The following VAV3 variants were observed in gnomAD, a reference collection of about 807,000 sequenced individuals.
VAV3 encodes vav guanine nucleotide exchange factor 3.
In VAV3, 94 loss-of-function variants were observed where a neutral mutation model predicts 131.2. The ratio of observed to expected loss-of-function variants is 0.72; its 90% confidence interval spans 0.61 to 0.85. VAV3 has a LOEUF of 0.85. Among genes scored for constraint, VAV3 ranks in the 40% least tolerant of loss-of-function variants. VAV3 has a pLI of 0.00. For missense variants in VAV3, 939 were observed against 1,002.7 expected (o/e 0.94, Z 0.86); for synonymous variants, 349 against 342.0 (o/e 1.02, Z -0.22).
rs565435014 is a variant in VAV3 at position 107,718,363 on chromosome 1, A to G, written c.1503-13302T>C. ...TGATAAGCAACTTCAGCAAAGTCTCAGGATACAAAATCAAGGCGCAAAAAT... is the reference window on the plus strand; with the variant it reads ...TGATAAGCAACTTCAGCAAAGTCTCGGGATACAAAATCAAGGCGCAAAAAT... On this transcript the variant is annotated intron_variant, in intron 15 of 26. Transcript: ENST00000370056. Among the ~76,000 whole-genome samples the G allele has an allele frequency of 3.9e-5, 6 of 152,334 alleles. No individual in the cohort carries two copies. In the South Asian group the frequency reaches 1.2e-3, roughly 32 times the overall value.
chr1:107,645,272 A>C (rs1289159910), intron 19 of VAV3, among the ~76,000 whole-genome samples: 1 of 151,520 alleles, frequency 6.6e-6, no homozygotes, highest in Non-Finnish European at 1.5e-5. Flanking sequence ...TCTTCAACTC[A>C]TATGGTTTTT....
At chr1:107,712,151 C>T (rs1660825833) in intron 15 of VAV3, among the ~76,000 whole-genome samples, 1 of 152,136 alleles carries the variant, frequency 6.6e-6, no homozygotes, top group Admixed American at 6.6e-5. Context: ...TATAAATATA[C>T]AATGAGATTT....
intron 15 of VAV3, among the ~76,000 whole-genome samples, chr1:107,734,507 G>A (rs1022502810): frequency 1.4e-4 from 22 of 152,176 alleles, no homozygotes; most frequent in Non-Finnish European, 2.9e-4. Context: ...TAAAGGGATG[G>A]AGGAAGATCT....
intron 1 of VAV3, among the ~76,000 whole-genome samples, chr1:107,942,226 A>G (rs1330485122): frequency 1.3e-5 from 2 of 152,202 alleles, no homozygotes; most frequent in Admixed American, 1.3e-4. Flanking sequence ...ACACTAGCCT[A>G]GTGAGATGAT....
At chr1:107,840,695 AG>A (rs1668663211) in intron 2 of VAV3, among the ~76,000 whole-genome samples, 1 of 152,244 alleles carries the variant, frequency 6.6e-6, no homozygotes, top group Non-Finnish European at 1.5e-5. Context: ...AAGGCAGGAA[AG>A]GAAAAAAAGT....
intron 2 of VAV3, among the ~76,000 whole-genome samples, chr1:107,825,534 G>C (rs1667973932): frequency 2.0e-5 from 3 of 151,436 alleles, no homozygotes; most frequent in African/African-American, 7.3e-5. Flanking sequence ...TCATGATAGA[G>C]AAAAATCTAC....
intron 18 of VAV3, among the ~76,000 whole-genome samples, chr1:107,684,430 T>C (rs1281397660): frequency 6.6e-6 from 1 of 152,240 alleles, no homozygotes; most frequent in Non-Finnish European, 1.5e-5. Context: ...CAGAGCACAC[T>C]TGGCTGTGCT....
intron 2 of VAV3, among the ~76,000 whole-genome samples, chr1:107,870,953 C>T (rs957344222): frequency 2.6e-5 from 4 of 152,148 alleles, no homozygotes; most frequent in African/African-American, 7.2e-5. Flanking sequence ...ACTTCTATTA[C>T]GCTCTAGAAA....
chr1:107,921,943 T>G (rs917980642), intron 1 of VAV3, among the ~76,000 whole-genome samples: 1 of 152,234 alleles, frequency 6.6e-6, no homozygotes, highest in Non-Finnish European at 1.5e-5. Context: ...AGTTATTTAA[T>G]GTCTTCTCAG....
At chr1:107,782,266 T>C (rs569817274) in intron 2 of VAV3, among the ~76,000 whole-genome samples, 1 of 152,264 alleles carries the variant, frequency 6.6e-6, no homozygotes, top group Non-Finnish European at 1.5e-5. Flanking sequence ...AACTATGATG[T>C]ATCTACAAAA....
intron 1 of VAV3, among the ~76,000 whole-genome samples, chr1:107,945,807 A>G (rs1674227736): frequency 1.4e-5 from 2 of 141,696 alleles, no homozygotes; most frequent in South Asian, 5.0e-4. Context: ...GAGCGACAAG[A>G]GCAAAACTCC....
At chr1:107,747,413 C>T (rs577631082) in intron 15 of VAV3, among the ~76,000 whole-genome samples, 3 of 152,174 alleles carry the variant, frequency 2.0e-5, no homozygotes, top group African/African-American at 7.2e-5. Flanking sequence ...TCTGTCTTTG[C>T]ATATTACCAC....
chr1:107,744,165 T>C (rs1557813592), intron 15 of VAV3, among the ~76,000 whole-genome samples: 1 of 152,224 alleles, frequency 6.6e-6, no homozygotes, highest in Non-Finnish European at 1.5e-5. Flanking sequence ...TCCAGAGCTC[T>C]AGAATCTCCA....
intron 5 of VAV3, among the ~76,000 whole-genome samples, chr1:107,771,393 C>A (rs1466066979): frequency 6.6e-6 from 1 of 152,014 alleles, no homozygotes; most frequent in African/African-American, 2.4e-5. Flanking sequence ...GCTGTGACTA[C>A]AGGTGCCCGC....
chr1:107,963,964 G>C (rs1344558485), intron 1 of VAV3, among the ~76,000 whole-genome samples: 1 of 152,208 alleles, frequency 6.6e-6, no homozygotes, highest in South Asian at 2.1e-4. Flanking sequence ...CACAGCACCT[G>C]AGCAGGGCAC....
At chr1:107,673,072 A>G (rs1009170319) in intron 19 of VAV3, among the ~76,000 whole-genome samples, 1 of 152,234 alleles carries the variant, frequency 6.6e-6, no homozygotes, top group Admixed American at 6.5e-5. Flanking sequence ...ATGGAAAAGT[A>G]TGTTCATGCA....
At chr1:107,819,777 C>A (rs1667716504) in intron 2 of VAV3, among the ~76,000 whole-genome samples, 1 of 152,060 alleles carries the variant, frequency 6.6e-6, no homozygotes, top group Non-Finnish European at 1.5e-5. Context: ...GGATTAAAAT[C>A]TATGATAACA....
chr1:107,960,322 C>A (rs984714281), intron 1 of VAV3, among the ~76,000 whole-genome samples: 1 of 152,058 alleles, frequency 6.6e-6, no homozygotes, highest in Non-Finnish European at 1.5e-5. Flanking sequence ...AAAAAGTAGC[C>A]GGGAGTAGTG....
intron 2 of VAV3, among the ~76,000 whole-genome samples, chr1:107,856,475 A>G (rs1228699187): frequency 6.6e-6 from 1 of 152,186 alleles, no homozygotes; most frequent in Non-Finnish European, 1.5e-5. Context: ...ATGCTGATTT[A>G]CTGATCAAAA....
Sources: allele counts gnomAD v4.1 joint callset (sites outside exome capture counted in the v4.1 genomes callset), GRCh38; gene constraint gnomAD v4.1.1; transcripts MANE v1.5; gene names NCBI Gene and HGNC (gene_info 2026-07-23, HGNC 2026-07-21).